Variants in DAB1 observed in about 807,000 individuals in gnomAD.
The protein encoded by DAB1 is DAB adaptor protein 1, also known as disabled homolog 1.
Under a neutral mutation model 64.6 loss-of-function variants are expected in DAB1, and 15 were observed. The ratio of observed to expected loss-of-function variants is 0.23; its 90% confidence interval spans 0.16 to 0.36. The LOEUF is 0.36. Ranked by LOEUF, DAB1 falls within the 10% of genes least tolerant of loss-of-function variation. The pLI, the probability that DAB1 is intolerant of heterozygous loss-of-function variation, is 1.00. For synonymous variants in DAB1, 235 were observed against 251.9 expected (o/e 0.93, Z 0.64); for missense variants, 596 against 706.7 (o/e 0.84, Z 1.78).
At chr1:57,036,972 A>G (rs1647180978) in intron 9 of DAB1, among the ~76,000 whole-genome samples, 1 of 152,204 alleles carries the variant, frequency 6.6e-6, no homozygotes, top group Admixed American at 6.5e-5. Flanking sequence ...AATCTCACAA[A>G]GGAAGAAAAT....
intron 7 of DAB1, among the ~76,000 whole-genome samples, chr1:57,456,351 G>C (rs1390261818): frequency 6.6e-6 from 1 of 152,112 alleles, no homozygotes; most frequent in African/African-American, 2.4e-5. Context: ...ACCATTAAAA[G>C]AGACTAACAC....
At chr1:57,309,088 G>A (rs140457527) in intron 1 of DAB1, among the ~76,000 whole-genome samples, 1 of 152,180 alleles carries the variant, frequency 6.6e-6, no homozygotes, top group Non-Finnish European at 1.5e-5. Flanking sequence ...TATCATTAGT[G>A]TATTTTATGT....
At chr1:57,964,427 G>C (rs2027586) in intron 5 of DAB1, among the ~76,000 whole-genome samples, 12,498 of 152,182 alleles carry the variant, frequency 0.082, 584 homozygotes, top group Non-Finnish European at 0.09. Flanking sequence ...ACTATTGATT[G>C]CTTCACAGCT....
chr1:57,359,819 T>C (rs114879618), intron 1 of DAB1, among the ~76,000 whole-genome samples: 1,772 of 152,102 alleles, frequency 0.012, 31 homozygotes, highest in African/African-American at 0.04. Flanking sequence ...TCATGTTAAG[T>C]GAAATAAGCC....
chr1:57,135,529 C>T (rs1373770850), intron 4 of DAB1, among the ~76,000 whole-genome samples: 1 of 152,166 alleles, frequency 6.6e-6, no homozygotes, highest in Non-Finnish European at 1.5e-5. Flanking sequence ...GTTGCTTCTA[C>T]CTTTTGGCTA....
At chr1:57,922,867 A>AAAAAAAAAAAAAAAAC (rs1644829368) in intron 5 of DAB1, among the ~76,000 whole-genome samples, 1 of 150,364 alleles carries the variant, frequency 6.7e-6, no homozygotes, top group Non-Finnish European at 1.5e-5. Context: ...AAAAAAAAAA[A>AAAAAAAAAAAAAAAAC]AGATTTGAAA....
intron 4 of DAB1, among the ~76,000 whole-genome samples, chr1:58,247,223 T>G (rs1034218495): frequency 1.3e-5 from 2 of 150,156 alleles, no homozygotes; most frequent in Admixed American, 1.3e-4. Flanking sequence ...TACTTCTGGG[T>G]GGCATGTAAG....
At chr1:58,383,838 A>C (rs960294535) in intron 3 of DAB1, among the ~76,000 whole-genome samples, 1 of 152,208 alleles carries the variant, frequency 6.6e-6, no homozygotes, top group Non-Finnish European at 1.5e-5. Context: ...GCTGCAATGA[A>C]TGTGGGTGTG....
intron 5 of DAB1, among the ~76,000 whole-genome samples, chr1:57,967,812 C>A (rs1203206840): frequency 6.6e-6 from 1 of 152,086 alleles, no homozygotes; most frequent in Admixed American, 6.6e-5. Flanking sequence ...AAATGACAGG[C>A]ATTTTGATGA....
At chr1:57,541,015 C>T (rs1312803458) in intron 7 of DAB1, among the ~76,000 whole-genome samples, 26 of 152,048 alleles carry the variant, frequency 1.7e-4, no homozygotes, top group Admixed American at 5.9e-4. Flanking sequence ...ATGCTCGAGG[C>T]GATGGAGATC....
chr1:58,185,362 G>A (rs1039301200), intron 4 of DAB1, among the ~76,000 whole-genome samples: 2 of 152,164 alleles, frequency 1.3e-5, no homozygotes, highest in South Asian at 2.1e-4. Context: ...GTATTTTCCT[G>A]ACATATCTCT....
intron 7 of DAB1, among the ~76,000 whole-genome samples, chr1:57,515,490 A>G (rs1413701185): frequency 1.3e-5 from 2 of 152,324 alleles, no homozygotes; most frequent in South Asian, 2.1e-4. Context: ...AGAACCAAGA[A>G]TATGGTCGCT....
At chr1:57,561,868 A>T (rs1364087029) in intron 7 of DAB1, among the ~76,000 whole-genome samples, 1 of 152,248 alleles carries the variant, frequency 6.6e-6, no homozygotes, top group East Asian at 1.9e-4. Flanking sequence ...GCTACCTGGT[A>T]GCAGGTTGAT....
intron 7 of DAB1, among the ~76,000 whole-genome samples, chr1:57,510,847 C>T (rs11207046): frequency 0.19 from 28,253 of 152,098 alleles, 2,926 homozygotes; most frequent in Non-Finnish European, 0.24. Context: ...GATGTGGTCA[C>T]GGCTCACTGC....
chr1:58,300,580 GAAAGAAAGAAA>G (rs1557725943), intron 4 of DAB1, among the ~76,000 whole-genome samples: 1 of 19,310 alleles, frequency 5.2e-5, no homozygotes, highest in African/African-American at 1.5e-4. Context: ...AAGAAAGAAA[GAAAGAAAGAAA>G]GAAAGAAAGA....
At chr1:57,457,624 G>A (rs541697601) in intron 7 of DAB1, among the ~76,000 whole-genome samples, 5 of 152,234 alleles carry the variant, frequency 3.3e-5, no homozygotes, top group South Asian at 2.1e-4. Context: ...GAGGATGGAC[G>A]GAGGTGAACT....
intron 2 of DAB1, among the ~76,000 whole-genome samples, chr1:57,276,619 C>T (rs1441087008): frequency 3.3e-5 from 5 of 152,144 alleles, no homozygotes; most frequent in Admixed American, 2.6e-4. Flanking sequence ...CTTCCTTTCA[C>T]GGGAGGATAG....
At position 57,450,798 on chromosome 1, in the gene DAB1, T is replaced by G. The variant is rs78438459; in HGVS notation, n.626-159632A>C. On this transcript the variant is annotated intron_variant and non_coding_transcript_variant, in intron 7 of 20. Transcript: ENST00000485760. ...ATGAACTTCAACTTACTTAAAGTCA[T>G]GCTTTCAGATTACAATGAACTGACC... 4.2e-3 allele frequency among the ~76,000 whole-genome samples: 637 copies of G among 152,358 alleles called. 2 individuals are homozygous for G. Among genetic ancestry groups the G allele is most frequent in the African/African-American group, 0.015 (610 of 41,590 alleles).
intron 4 of DAB1, among the ~76,000 whole-genome samples, chr1:58,169,960 G>C (rs1311138022): frequency 6.6e-6 from 1 of 152,182 alleles, no homozygotes. Context: ...TAGGTACATA[G>C]ATGTCCTACA....
Sources: gnomAD v4.1 joint callset for allele counts (sites outside exome capture counted in the v4.1 genomes callset) on GRCh38, gnomAD v4.1.1 for gene constraint, MANE v1.5 for transcripts, NCBI Gene and HGNC (gene_info 2026-07-23, HGNC 2026-07-21) for gene names.